The following ST6GALNAC3 variants were observed in gnomAD, a reference collection of about 807,000 sequenced individuals.
The protein encoded by ST6GALNAC3 is ST6 N-acetylgalactosaminide alpha-2,6-sialyltransferase 3, also known as alpha-N-acetylgalactosaminide alpha-2,6-sialyltransferase 3.
Under a neutral mutation model 32.7 loss-of-function variants are expected in ST6GALNAC3, and 25 were observed. The observed-to-expected ratio is 0.76, with a 90% CI of 0.56 to 1.07. The LOEUF is 1.07. Among genes scored for constraint, ST6GALNAC3 ranks in the 50% least tolerant of loss-of-function variants. The pLI is 0.00. For missense variants in ST6GALNAC3, 355 were observed against 382.4 expected (o/e 0.93, Z 0.60); for synonymous variants, 129 against 133.1 (o/e 0.97, Z 0.21).
chr1:76,581,231 A>G (rs756000938), intron 3 of ST6GALNAC3, among the ~76,000 whole-genome samples: 12 of 152,110 alleles, frequency 7.9e-5, no homozygotes, highest in Non-Finnish European at 1.3e-4. Flanking sequence ...ACCAGATCCC[A>G]TAAAGATCAT....
intron 3 of ST6GALNAC3, among the ~76,000 whole-genome samples, chr1:76,524,803 G>A (rs1369182920): frequency 1.3e-5 from 2 of 151,086 alleles, no homozygotes; most frequent in African/African-American, 2.4e-5. Context: ...CTAGCTTCTG[G>A]GATTTTTGAG....
intron 3 of ST6GALNAC3, among the ~76,000 whole-genome samples, chr1:76,416,501 T>C (rs886942901): frequency 6.6e-6 from 1 of 152,080 alleles, no homozygotes; most frequent in Non-Finnish European, 1.5e-5. Context: ...AATGATTACA[T>C]GGAGTTCCTC....
intron 1 of ST6GALNAC3, among the ~76,000 whole-genome samples, chr1:76,180,425 G>C (rs1233673403): frequency 6.6e-6 from 1 of 152,096 alleles, no homozygotes; most frequent in Non-Finnish European, 1.5e-5. Flanking sequence ...ACGGGAGACA[G>C]GGAAATACTG....
chr1:76,518,290 C>G (rs1662293265), intron 3 of ST6GALNAC3, among the ~76,000 whole-genome samples: 1 of 151,886 alleles, frequency 6.6e-6, no homozygotes, highest in Non-Finnish European at 1.5e-5. Context: ...CATGTTCGAC[C>G]ATTCTATGTC....
intron 1 of ST6GALNAC3, among the ~76,000 whole-genome samples, chr1:76,275,762 A>G (rs551282081): frequency 1.4e-4 from 21 of 152,256 alleles, no homozygotes; most frequent in Non-Finnish European, 2.1e-4. Flanking sequence ...TGTATTATGT[A>G]TTTTAAATAA....
intron 3 of ST6GALNAC3, among the ~76,000 whole-genome samples, chr1:76,597,872 T>C (rs939626264): frequency 5.3e-5 from 8 of 152,144 alleles, no homozygotes; most frequent in Non-Finnish European, 7.4e-5. Context: ...CTGTCTGGGA[T>C]GTCTCCTCTC....
At chr1:76,531,486 G>GA (rs1663252644) in intron 3 of ST6GALNAC3, among the ~76,000 whole-genome samples, 1 of 152,140 alleles carries the variant, frequency 6.6e-6, no homozygotes, top group African/African-American at 2.4e-5. Flanking sequence ...GGACTGCCTG[G>GA]TTGTATGACA....
At chr1:76,318,375 G>A (rs1215055704) in intron 2 of ST6GALNAC3, among the ~76,000 whole-genome samples, 1 of 152,028 alleles carries the variant, frequency 6.6e-6, no homozygotes, top group African/African-American at 2.4e-5. Context: ...CTTTTCTATG[G>A]GGGAGGGGAA....
chr1:76,589,293 A>C (rs1647010744), intron 3 of ST6GALNAC3, among the ~76,000 whole-genome samples: 1 of 152,168 alleles, frequency 6.6e-6, no homozygotes, highest in Admixed American at 6.5e-5. Context: ...CTTTTACAGC[A>C]GTTTGCAAAA....
chr1:76,171,537 A>G (rs1652497091), intron 1 of ST6GALNAC3, among the ~76,000 whole-genome samples: 1 of 151,892 alleles, frequency 6.6e-6, no homozygotes, highest in African/African-American at 2.4e-5. Context: ...TAGATAGACC[A>G]TTAGCTAGAC....
At chr1:76,518,233 G>A (rs1307406951) in intron 3 of ST6GALNAC3, among the ~76,000 whole-genome samples, 2 of 151,876 alleles carry the variant, frequency 1.3e-5, no homozygotes, top group Non-Finnish European at 2.9e-5. Context: ...TTATACTCAA[G>A]TATATTTATG....
chr1:76,617,630 T>C (rs1439841798), intron 3 of ST6GALNAC3, among the ~76,000 whole-genome samples: 5 of 152,130 alleles, frequency 3.3e-5, no homozygotes, highest in African/African-American at 1.2e-4. Context: ...CAAAGATGGA[T>C]TGTTAATAAG....
intron 2 of ST6GALNAC3, among the ~76,000 whole-genome samples, chr1:76,356,367 C>G (rs1432887186): frequency 6.8e-6 from 1 of 147,896 alleles, no homozygotes; most frequent in Non-Finnish European, 1.5e-5. Flanking sequence ...TATTTAATAA[C>G]ACTGACTCCT....
chr1:76,437,706 T>TA (rs1312113116), intron 3 of ST6GALNAC3, among the ~76,000 whole-genome samples: 3 of 151,660 alleles, frequency 2.0e-5, no homozygotes, highest in Non-Finnish European at 4.4e-5. Context: ...GCCTCCTGAG[T>TA]AGCTGGGACT....
chr1:76,289,427 G>A (rs936944454), intron 1 of ST6GALNAC3, among the ~76,000 whole-genome samples: 1 of 152,186 alleles, frequency 6.6e-6, no homozygotes, highest in Non-Finnish European at 1.5e-5. Context: ...ATTAAATTCA[G>A]GCACCATGCT....
chr1:76,169,555 G>C (rs1652342182), intron 1 of ST6GALNAC3, among the ~76,000 whole-genome samples: 2 of 152,104 alleles, frequency 1.3e-5, no homozygotes, highest in African/African-American at 4.8e-5. Context: ...ATGATTTCCA[G>C]ATTGGTTGCA....
chr1:76,189,750 G>C (rs1653788028), intron 1 of ST6GALNAC3, among the ~76,000 whole-genome samples: 1 of 152,200 alleles, frequency 6.6e-6, no homozygotes. Context: ...TTGCAGAAAA[G>C]TATAAGCGGT....
intron 1 of ST6GALNAC3, among the ~76,000 whole-genome samples, chr1:76,183,662 AC>A (rs1430327087): frequency 6.6e-6 from 1 of 151,702 alleles, no homozygotes; most frequent in East Asian, 1.9e-4. Context: ...ATAGCCTATG[AC>A]CCCTAGGCTA....
rs191928802 is a variant in ST6GALNAC3 at position 76,105,811 on chromosome 1, G to A, written c.18+30927G>A. On this transcript the variant is annotated intron_variant, in intron 1 of 4. Transcript: ENST00000328299. The stretch of plus-strand genomic sequence containing the variant: ...ATCCTGGATTGCTAGTGCTATTACC[G>A]TCTGGCTATTACATTTAAAAAAATA... Among the ~76,000 whole-genome samples the A allele has an allele frequency of 3.4e-3, 522 of 152,170 alleles. 2 individuals carry two copies. Among genetic ancestry groups the A allele is most frequent in the Middle Eastern group, 0.024 (7 of 294 alleles).
Sources: gnomAD v4.1 joint callset for allele counts (sites outside exome capture counted in the v4.1 genomes callset) on GRCh38, gnomAD v4.1.1 for gene constraint, MANE v1.5 for transcripts, NCBI Gene and HGNC (gene_info 2026-07-23, HGNC 2026-07-21) for gene names.